The following C3orf49 variants were observed in gnomAD, a reference collection of about 807,000 sequenced individuals.
C3orf49 encodes the protein putative uncharacterized protein C3orf49.
A neutral mutation model predicts 13.3 loss-of-function variants in C3orf49; 27 were observed. The ratio of observed to expected loss-of-function variants is 2.02; its 90% CI spans 1.49 to 2.79. The LOEUF is 2.79. Ranked by LOEUF, C3orf49 falls within the 30% of genes most tolerant of loss-of-function variation. The probability of loss-of-function intolerance (pLI) is 0.00; values close to 1 mark genes in which losing one functional copy is unlikely to be tolerated. For synonymous variants in C3orf49, 87 were observed against 47.6 expected (o/e 1.83, Z -3.40); for missense variants, 242 against 134.2 (o/e 1.80, Z -3.97).
chr3:63,829,406 T>C lies in C3orf49; in HGVS notation c.570+1681T>C, dbSNP rs562080620. Among the ~76,000 whole-genome samples the C allele has an allele frequency of 2.8e-3, 429 of 152,286 alleles. 3 individuals carry two copies. Among genetic ancestry groups the C allele is most frequent in the Non-Finnish European group, 4.5e-3 (303 of 68,028 alleles). On this transcript the variant is annotated intron_variant, in intron 3 of 6. Coordinates refer to ENST00000295896, the MANE Select transcript of C3orf49 (RefSeq NM_001355236.2). ...GAAAATTGACCCCTATCTCACACCATATACAAAGATTAATTTCTGTTCAGT... is the reference window on the plus strand; with the variant it reads ...GAAAATTGACCCCTATCTCACACCACATACAAAGATTAATTTCTGTTCAGT...
At chr3:63,839,831 A>G in intron 5 of C3orf49, 4 of 1,355,750 alleles carry the variant, frequency 3.0e-6, no homozygotes, top group Non-Finnish European at 4.2e-6. Context: ...AAGTACAAAT[A>G]ACCAGTATCA....
chr3:63,833,097 C>CT lies in C3orf49; in HGVS notation c.849+1270dup, dbSNP rs748114078. Among the ~76,000 whole-genome samples the CT allele has an allele frequency of 3.2e-3, 441 of 135,736 alleles. 2 individuals carry two copies. Among genetic ancestry groups the CT allele is most frequent in the East Asian group, 0.019 (89 of 4,696 alleles). 89.0% of individuals were successfully genotyped at this position (135,736 alleles called of 152,430 possible). A position where few individuals can be genotyped will look rare whatever the true frequency, so the allele number is the denominator to read the frequency against. On this transcript the variant is annotated intron_variant, in intron 5 of 6. Coordinates refer to ENST00000295896, the MANE Select transcript of C3orf49 (RefSeq NM_001355236.2). ...TTATAAATTCTTTATGCAAGACAATCTTTTTTTTTTTTTTTTTAGACAGAG... is the reference window on the plus strand; with the variant it reads ...TTATAAATTCTTTATGCAAGACAATCTTTTTTTTTTTTTTTTTTAGACAGAG...
the C3orf49 span, among the ~76,000 whole-genome samples, chr3:63,811,520 T>G: frequency 6.7e-6 from 1 of 150,234 alleles, no homozygotes; most frequent in Non-Finnish European, 1.5e-5. Flanking sequence ...ATCATATCAC[T>G]GCACTCCAGC....
the C3orf49 span, among the ~76,000 whole-genome samples, chr3:63,793,099 A>G: frequency 1.3e-5 from 2 of 152,170 alleles, no homozygotes; most frequent in African/African-American, 2.4e-5. Flanking sequence ...AGTGGGTTTT[A>G]AGGAAACCCC....
At chr3:63,808,768 T>C in the C3orf49 span, among the ~76,000 whole-genome samples, 1 of 152,182 alleles carries the variant, frequency 6.6e-6, no homozygotes, top group Non-Finnish European at 1.5e-5. Flanking sequence ...TAGGGCCTCA[T>C]ACCTACCCCT....
chr3:63,836,434 C>T, intron 5 of C3orf49: 6 of 1,345,424 alleles, frequency 4.5e-6, no homozygotes, highest in Non-Finnish European at 6.3e-6. Context: ...TGTAATATCA[C>T]AAACCTCTCC....
intron 1 of C3orf49, among the ~76,000 whole-genome samples, chr3:63,823,005 ATAACCTACCTCT>A (rs1701418409): frequency 6.6e-6 from 1 of 152,238 alleles, no homozygotes; most frequent in Non-Finnish European, 1.5e-5. Flanking sequence ...AGACAATAAT[ATAACCTACCTCT>A]AACAGTACTG....
At chr3:63,797,255 G>T in the C3orf49 span, among the ~76,000 whole-genome samples, 1 of 152,000 alleles carries the variant, frequency 6.6e-6, no homozygotes, top group Middle Eastern at 3.4e-3. Context: ...GCTTGAATAT[G>T]GTATGTCTAG....
chr3:63,816,930 G>A (rs542595000), upstream of C3orf49, among the ~76,000 whole-genome samples: 1 of 151,572 alleles, frequency 6.6e-6, no homozygotes, highest in Admixed American at 6.6e-5. Context: ...CCGTTACCAC[G>A]CCCGGCTAAT....
chr3:63,790,572 A>G, the C3orf49 span, among the ~76,000 whole-genome samples: 5 of 148,006 alleles, frequency 3.4e-5, no homozygotes, highest in South Asian at 1.1e-3. Flanking sequence ...AGCCAAGTCT[A>G]GGATCTTGCT....
chr3:63,821,796 G>A (rs954164222), intron 1 of C3orf49, among the ~76,000 whole-genome samples: 1 of 152,006 alleles, frequency 6.6e-6, no homozygotes, highest in South Asian at 2.1e-4. Context: ...TTTAAGAAAG[G>A]GGGGACCAGT....
chr3:63,797,582 A>G, the C3orf49 span, among the ~76,000 whole-genome samples: 2 of 152,114 alleles, frequency 1.3e-5, no homozygotes, highest in Non-Finnish European at 2.9e-5. Flanking sequence ...CCAGTAATTC[A>G]TCAAAGCTAC....
the C3orf49 span, among the ~76,000 whole-genome samples, chr3:63,802,218 C>T: frequency 1.3e-5 from 2 of 152,182 alleles, no homozygotes; most frequent in Non-Finnish European, 2.9e-5. Flanking sequence ...TCAAGCTTTG[C>T]TATTGTTTCT....
chr3:63,822,044 C>T (rs1220803807), intron 1 of C3orf49, among the ~76,000 whole-genome samples: 10 of 151,914 alleles, frequency 6.6e-5, no homozygotes, highest in African/African-American at 1.2e-4. Context: ...GGCGCGATCT[C>T]GGCTCACTGC....
the C3orf49 span, among the ~76,000 whole-genome samples, chr3:63,792,670 C>T: frequency 1.3e-5 from 2 of 152,170 alleles, no homozygotes; most frequent in Admixed American, 1.3e-4. Context: ...TGCCTGTTTA[C>T]GTGAAGGAAG....
chr3:63,832,263 ATC>A (rs1280359491), intron 5 of C3orf49, among the ~76,000 whole-genome samples: 2 of 152,084 alleles, frequency 1.3e-5, no homozygotes, highest in Non-Finnish European at 2.9e-5. Context: ...TCCTGAATAA[ATC>A]TCTCTAGTGA....
At chr3:63,816,571 G>A (rs1701326532), upstream of C3orf49, among the ~76,000 whole-genome samples, 1 of 151,152 alleles carries the variant, frequency 6.6e-6, no homozygotes, top group Non-Finnish European at 1.5e-5. Flanking sequence ...GACAGAGTAA[G>A]ATGCTGTTTA....
chr3:63,832,021 C>T, intron 5 of C3orf49, 177 bp downstream of exon 5: 1 of 529,046 alleles, frequency 1.9e-6, no homozygotes, highest in Non-Finnish European at 3.3e-6. Context: ...TGGTGAAACC[C>T]TGTCTCTACT....
At chr3:63,848,042 T>G (rs902931414) in intron 6 of C3orf49, among the ~76,000 whole-genome samples, 1 of 152,174 alleles carries the variant, frequency 6.6e-6, no homozygotes, top group Non-Finnish European at 1.5e-5. Flanking sequence ...ACAGACTCTT[T>G]GTACCAATAA....
Sources: allele counts gnomAD v4.1 joint callset (sites outside exome capture counted in the v4.1 genomes callset), GRCh38; gene constraint gnomAD v4.1.1; transcripts MANE v1.5; gene names NCBI Gene and HGNC (gene_info 2026-07-23, HGNC 2026-07-21).